Variants in UGT8 observed in about 807,000 individuals in gnomAD.
UGT8 encodes the protein UDP glycosyltransferase 8.
Under a neutral mutation model 40.5 loss-of-function variants are expected in UGT8, and 12 were observed. That is an observed-to-expected ratio of 0.30 (90% CI 0.19 to 0.48). The LOEUF (loss-of-function observed/expected upper bound fraction) is 0.48, where lower values mean the gene tolerates loss of function less well. UGT8 is among the 20% of genes least tolerant of loss of function. The probability of loss-of-function intolerance (pLI) is 0.99; values close to 1 mark genes in which losing one functional copy is unlikely to be tolerated. For synonymous variants in UGT8, 224 were observed against 240.4 expected (o/e 0.93, Z 0.63); for missense variants, 513 against 648.7 (o/e 0.79, Z 2.27).
rs895474529 is a variant in UGT8, at chr4:114,664,155, A to T, written c.965+18A>T. 2 of 1,611,822 alleles carry T rather than the reference A, an allele frequency of 1.2e-6. No homozygotes were observed. The highest frequency in any genetic ancestry group is 1.3e-5 in the African/African-American group (1 of 75,020). Reference sequence around the variant, plus strand: ...ATTTGGAGGTAAGGTAATAATGTAGATTGTTTCTTTGCTATTGACAATCAA... The same window carrying T: ...ATTTGGAGGTAAGGTAATAATGTAGTTTGTTTCTTTGCTATTGACAATCAA... On this transcript the variant is annotated intron_variant, in intron 3 of 5. Transcript: ENST00000310836.
At chr4:114,659,550 A>G (rs768854340) in intron 2 of UGT8, among the ~76,000 whole-genome samples, 28 of 152,292 alleles carry the variant, frequency 1.8e-4, no homozygotes, top group Non-Finnish European at 2.8e-4. Flanking sequence ...GCATGTAAGC[A>G]GGTTGAGCCC....
intron 1 of UGT8, among the ~76,000 whole-genome samples, chr4:114,601,896 A>C (rs1169682879): frequency 1.3e-5 from 2 of 149,744 alleles, no homozygotes; most frequent in Non-Finnish European, 3.0e-5. Context: ...TCAGACTGTG[A>C]GTGGGCCCTG....
intron 2 of UGT8, among the ~76,000 whole-genome samples, chr4:114,657,657 A>C (rs963817733): frequency 6.6e-6 from 1 of 152,004 alleles, no homozygotes; most frequent in African/African-American, 2.4e-5. Context: ...AACAAATACA[A>C]CTGAGAGAAA....
rs534585951 is a variant in UGT8 at position 114,650,695 on chromosome 4, T to C, written c.823-13300T>C. On this transcript the variant is annotated intron_variant, in intron 2 of 5. Transcript: ENST00000310836. ...GGTTTTTAATCTATTTTGTGGCATA[T>C]TCAGTTTGTCACAATCAGTCTTCAG... is the stretch of plus-strand genomic sequence containing the variant. 2.0e-4 allele frequency among the ~76,000 whole-genome samples: 30 copies of C among 152,272 alleles called. No individual in the cohort carries two copies. In the South Asian group the frequency reaches 6.0e-3, roughly 30 times the overall value.
At chr4:114,645,745 G>A (rs1482983375) in intron 2 of UGT8, among the ~76,000 whole-genome samples, 3 of 152,098 alleles carry the variant, frequency 2.0e-5, no homozygotes, top group Non-Finnish European at 2.9e-5. Context: ...ATTTCACAAA[G>A]GTAGATTTGT....
In UGT8 at chr4:114,616,555, G is replaced by A. The variant is rs543510976; in HGVS notation, c.-2-6324G>A. On this transcript the variant is annotated intron_variant, in intron 1 of 5. Coordinates refer to ENST00000310836, the MANE Select transcript of UGT8 (RefSeq NM_001128174.3). ...CTGACCCCCTGTGCTTCCCAGGTGA[G>A]GCGATGCCTCACCCTACTTCGGCTC... 3.3e-5 allele frequency among the ~76,000 whole-genome samples: 5 copies of A among 152,192 alleles called. No individual in the cohort carries two copies. In the South Asian group the frequency reaches 1.0e-3, roughly 32 times the overall value.
intron 3 of UGT8, chr4:114,665,254 C>T (rs1370323230): frequency 5.9e-6 from 2 of 339,486 alleles, no homozygotes; most frequent in Non-Finnish European, 8.3e-6. Flanking sequence ...CTTCTGCCTT[C>T]CCTCAGACTC....
At chr4:114,666,187 T>C (rs1734866949) in intron 4 of UGT8, among the ~76,000 whole-genome samples, 1 of 152,126 alleles carries the variant, frequency 6.6e-6, no homozygotes, top group South Asian at 2.1e-4. Context: ...TAGAAGTTAT[T>C]CATTTGTCTG....
chr4:114,625,921 T>C (rs967338880), intron 2 of UGT8, among the ~76,000 whole-genome samples: 2 of 152,224 alleles, frequency 1.3e-5, no homozygotes, highest in East Asian at 3.8e-4. Context: ...TTTGTAGTGG[T>C]TCTTTTGAAA....
At chr4:114,610,528 C>T (rs1350427874) in intron 1 of UGT8, among the ~76,000 whole-genome samples, 2 of 152,086 alleles carry the variant, frequency 1.3e-5, no homozygotes, top group Non-Finnish European at 2.9e-5. Context: ...TACATTCTTA[C>T]CTGTTAGTAA....
Position 114,623,588 on chromosome 4 carries a change from G to A in UGT8, c.708G>A (p.Gly236=), listed in dbSNP as rs770734767. The A allele has an allele frequency of 4.0e-5, 64 of 1,613,986 alleles. No homozygotes were observed. The Admixed American group carries it at 1.1e-3, about 27-fold the overall frequency. The change falls in exon 2 of 6, where the codon GGG becomes GGA. Residue 236 remains glycine, a synonymous_variant. Coordinates refer to ENST00000310836, the MANE Select transcript of UGT8 (RefSeq NM_001128174.3). The stretch of plus-strand genomic sequence containing the variant: ...AGTCCATGTATGATTTGGTTCATGG[G>A]TCCAGCCTGTGGATGCTGTGTACTG... ...PEKSMYDLVH[G]SSLWMLCTDV...
intron 3 of UGT8, among the ~76,000 whole-genome samples, chr4:114,664,850 G>C (rs1229527909): frequency 6.6e-6 from 1 of 152,180 alleles, no homozygotes; most frequent in Non-Finnish European, 1.5e-5. Flanking sequence ...TACCATGAGT[G>C]GAAGAAAGTG....
chr4:114,604,763 G>C (rs1472848764), intron 1 of UGT8, among the ~76,000 whole-genome samples: 1 of 151,966 alleles, frequency 6.6e-6, no homozygotes, highest in Non-Finnish European at 1.5e-5. Context: ...CATGTTTGTT[G>C]AATAAAACAA....
At chr4:114,671,375 C>A (rs1735263690) in intron 5 of UGT8, among the ~76,000 whole-genome samples, 1 of 151,866 alleles carries the variant, frequency 6.6e-6, no homozygotes, top group African/African-American at 2.4e-5. Context: ...AACAACCAAC[C>A]AAAAACAAAA....
rs1209689234 is a variant in UGT8 at position 114,664,146 on chromosome 4, A to G, written c.965+9A>G. The G allele has an allele frequency of 3.1e-6, 5 of 1,612,838 alleles. No homozygotes were observed. In the Admixed American group the frequency reaches 8.3e-5, roughly 27 times the overall value. On this transcript the variant is annotated intron_variant, in intron 3 of 5. Transcript: ENST00000310836. The stretch of plus-strand genomic sequence containing the variant: ...CAAAAAGTGATTTGGAGGTAAGGTA[A>G]TAATGTAGATTGTTTCTTTGCTATT...
At chr4:114,661,964 A>G (rs556404941) in intron 2 of UGT8, among the ~76,000 whole-genome samples, 11 of 152,348 alleles carry the variant, frequency 7.2e-5, no homozygotes, top group African/African-American at 2.4e-4. Context: ...AGGACTGTAC[A>G]TAAAATTTTA....
At chr4:114,610,264 C>A (rs1349184510) in intron 1 of UGT8, among the ~76,000 whole-genome samples, 2 of 152,066 alleles carry the variant, frequency 1.3e-5, no homozygotes, top group Non-Finnish European at 2.9e-5. Context: ...AGAGACTTTG[C>A]CCCTTTCTCT....
intron 1 of UGT8, among the ~76,000 whole-genome samples, chr4:114,611,012 A>G (rs141202137): frequency 4.5e-4 from 68 of 152,220 alleles, no homozygotes; most frequent in African/African-American, 1.5e-3. Flanking sequence ...CTACATGTGA[A>G]TATGTTTCAT....
chr4:114,604,457 C>CTTTTTTT (rs35685088), intron 1 of UGT8, among the ~76,000 whole-genome samples: 2 of 132,956 alleles, frequency 1.5e-5, no homozygotes, highest in African/African-American at 5.7e-5. Context: ...GGTTTGTTTG[C>CTTTTTTT]TTTTTTTTTT....
Sources: gnomAD v4.1 joint callset for allele counts (sites outside exome capture counted in the v4.1 genomes callset) on GRCh38, gnomAD v4.1.1 for gene constraint, MANE v1.5 for transcripts, NCBI Gene and HGNC (gene_info 2026-07-23, HGNC 2026-07-21) for gene names.